PEX6: variants seen among roughly 807,000 people sequenced by gnomAD.
PEX6 encodes the protein peroxisomal biogenesis factor 6.
A neutral mutation model predicts 85.6 loss-of-function variants in PEX6; 55 were observed. The observed-to-expected ratio is 0.64, with a 90% CI of 0.52 to 0.80. PEX6 has a LOEUF of 0.80. PEX6 is among the 30% of genes least tolerant of loss of function. The pLI is 0.00. For synonymous variants in PEX6, 519 were observed against 549.1 expected (o/e 0.95, Z 0.77); for missense variants, 1,099 against 1,260.3 (o/e 0.87, Z 1.94).
At chr6:42,969,447 G>A (rs971467441) in intron 5 of PEX6, among the ~76,000 whole-genome samples, 2 of 152,182 alleles carry the variant, frequency 1.3e-5, no homozygotes, top group Non-Finnish European at 2.9e-5. Flanking sequence ...TCTTCCTCCA[G>A]AGCCAGCCCT....
chr6:42,976,752 G>T (rs773341296), intron 1 of PEX6, among the ~76,000 whole-genome samples: 1 of 151,966 alleles, frequency 6.6e-6, no homozygotes, highest in Admixed American at 6.6e-5. Flanking sequence ...GTAACCCATG[G>T]AAATGGAACA....
rs1359944551 is a variant in PEX6 at position 42,964,182 on chromosome 6, A to G, written c.*153T>C. ...CTCTTGAGCTGTTGCTGCTGTCTCAATGCCACTTTGCACCCTGGGATCTCC... is the reference window on the plus strand; with the variant it reads ...CTCTTGAGCTGTTGCTGCTGTCTCAGTGCCACTTTGCACCCTGGGATCTCC... On this transcript the variant is annotated 3_prime_UTR_variant, in exon 17 of 17. Transcript: ENST00000304611. The surrounding 1 kb of genome is among the most constrained non-coding windows in gnomAD (Gnocchi z 4.6). 4 of 786,924 alleles carry G rather than the reference A, an allele frequency of 5.1e-6. No homozygotes were observed. The highest frequency in any genetic ancestry group is 2.6e-5 in the East Asian group (1 of 38,030). 48.7% of individuals were successfully genotyped at this position (786,924 alleles called of 1,614,324 possible).
In PEX6 at chr6:42,969,965, C is replaced by A; in HGVS notation, c.1153G>T (p.Val385Leu). Residue 385 changes from valine to leucine, a missense_variant, in exon 4 of 17, where the codon GTG (valine) becomes TTG (leucine). By Grantham distance (32) the Val-to-Leu change is conservative (BLOSUM62 1). Transcript: ENST00000304611. ...LPRWREMFFKVKKTVGEAPDG... is the reference protein window; with the variant it reads ...LPRWREMFFKLKKTVGEAPDG... ...GGAGCTTCCCCAACTGTTTTCTTCA[C>A]TTTAAAAAACATTTCCCGCCACCTG... The A allele has an allele frequency of 6.2e-7, 1 of 1,614,224 alleles. No individual in the cohort carries two copies. The highest frequency in any genetic ancestry group is 8.5e-7 in the Non-Finnish European group (1 of 1,180,038).
chr6:42,967,288 C>T (rs1327654880), intron 8 of PEX6, 80 bp downstream of exon 8: 5 of 1,407,798 alleles, frequency 3.6e-6, no homozygotes, highest in Non-Finnish European at 4.9e-6. Context: ...TACTCTCACT[C>T]ACAAGGCAAC....
rs575161366 is a variant in PEX6 at position 42,969,587 on chromosome 6, G to C, written c.1367+81C>G. 290 of 1,563,742 alleles carry C rather than the reference G, an allele frequency of 1.9e-4. 3 individuals are homozygous for C. In the South Asian group the frequency reaches 2.9e-3, roughly 16 times the overall value. ...AATCCCACTCTGGCCAGTTCATTAG[G>C]AACTACCCATCTGGCTGCTGCTCCT... On this transcript the variant is annotated intron_variant, in intron 5 of 16. Coordinates refer to ENST00000304611, the MANE Select transcript of PEX6 (RefSeq NM_000287.4).
In PEX6 at chr6:42,979,109, G is replaced by C; in HGVS notation, c.42C>G (p.Thr14=). Residue 14 remains threonine, a synonymous_variant, in exon 1 of 17, where the codon ACC becomes ACG. Coordinates refer to ENST00000304611, the MANE Select transcript of PEX6 (RefSeq NM_000287.4). ...GCAGCACTGCCAACGGGGGTGTCTC[G>C]GTCGGAAAGGGCTCCAGGACCCGCA... The part of the protein sequence containing the change: ...AVLRVLEPFP[T]ETPPLAVLLP... 1 of 1,566,390 alleles carries C rather than the reference G, an allele frequency of 6.4e-7. No individual in the cohort carries two copies. The highest frequency in any genetic ancestry group is 8.6e-7 in the Non-Finnish European group (1 of 1,164,816).
intron 3 of PEX6, among the ~76,000 whole-genome samples, chr6:42,972,132 G>A (rs906871852): frequency 6.6e-6 from 1 of 152,170 alleles, no homozygotes; most frequent in African/African-American, 2.4e-5. Context: ...AACAAGGACT[G>A]TCTCTCCTGG....
chr6:42,967,619 A>T, intron 7 of PEX6, 56 bp from the exon 8 acceptor site: 1 of 1,516,094 alleles, frequency 6.6e-7, no homozygotes, highest in Non-Finnish European at 8.9e-7. Flanking sequence ...GCTCCTGTGG[A>T]CTGCCTTGTC....
Position 42,964,566 on chromosome 6 carries a change from T to C in PEX6, c.2807-95A>G, listed in dbSNP as rs1769659547. 6.8e-7 allele frequency: 1 copy of C among 1,470,146 alleles called. No individual in the cohort carries two copies. Among genetic ancestry groups the C allele is most frequent in the Admixed American group, 1.7e-5 (1 of 58,608 alleles). 91.1% of individuals were successfully genotyped at this position (1,470,146 alleles called of 1,614,324 possible). On this transcript the variant is annotated intron_variant, in intron 16 of 16. Coordinates refer to ENST00000304611, the MANE Select transcript of PEX6 (RefSeq NM_000287.4). This position sits in a 1 kb window ranked among gnomAD's most constrained non-coding sequence, Gnocchi z 4.6. ...CTGCTCAGGGTCTCCTAGATGTCAA[T>C]GATCTTCCCTCTGGAATCCAGGACT...
In PEX6 at chr6:42,965,684, T is replaced by C. The variant is rs1211457366; in HGVS notation, c.2468A>G (p.Asp823Gly). The change falls in exon 13 of 17, where the codon GAC becomes GGC. Residue 823 changes from aspartate (D) to glycine (G), a missense_variant. Asp to Gly is a moderately conservative substitution (Grantham distance 94). Transcript: ENST00000304611. This position sits in a 1 kb window ranked among gnomAD's most constrained non-coding sequence, Gnocchi z 5.0. ...GRSGDSGGVM[D>G]RVVSQLLAEL... is the part of the protein sequence containing the mutation. The stretch of plus-strand genomic sequence containing the variant: ...TCATTCCCACTCAGACCCCTACCTG[T>C]CCATCACTCCTCCAGAATCTCCACT... The C allele has an allele frequency of 6.2e-7, 1 of 1,610,306 alleles. No homozygotes were observed. The highest frequency in any genetic ancestry group is 8.5e-7 in the Non-Finnish European group (1 of 1,176,498).
rs774086639 is a variant in PEX6, at chr6:42,969,982, C to A, written c.1136G>T (p.Arg379Leu). The change falls in exon 4 of 17, where the codon CGG becomes CTG. Residue 379 changes from arginine (R) to leucine (L), a missense_variant. By Grantham distance (102) the Arg-to-Leu change is moderately radical (BLOSUM62 -2). Coordinates refer to ENST00000304611, the MANE Select transcript of PEX6 (RefSeq NM_000287.4). Reference protein sequence around the residue: ...EGSPEKLPRWREMFFKVKKTV... With the variant: ...EGSPEKLPRWLEMFFKVKKTV... Reference sequence around the variant, plus strand: ...TTTCTTCACTTTAAAAAACATTTCCCGCCACCTGCAGGAAAAAGGCCCAAT... The same window carrying A: ...TTTCTTCACTTTAAAAAACATTTCCAGCCACCTGCAGGAAAAAGGCCCAAT... The A allele has an allele frequency of 3.1e-6, 5 of 1,613,836 alleles. No homozygotes were observed. Among genetic ancestry groups the A allele is most frequent in the South Asian group, 1.1e-5 (1 of 91,084 alleles).
chr6:42,965,799 G>C lies in PEX6; in HGVS notation c.2363-10C>G, dbSNP rs370221316. ...CTGGCCCTGGCAAACACTGAAGAGAGAGAGGGGCCCACAGGAGGGCAAAGC... is the reference window on the plus strand; with the variant it reads ...CTGGCCCTGGCAAACACTGAAGAGACAGAGGGGCCCACAGGAGGGCAAAGC... On this transcript the variant is annotated splice_polypyrimidine_tract_variant and intron_variant, in intron 12 of 16. Coordinates refer to ENST00000304611, the MANE Select transcript of PEX6 (RefSeq NM_000287.4). This position sits in a 1 kb window ranked among gnomAD's most constrained non-coding sequence, Gnocchi z 5.0. 8 of 1,609,340 alleles carry C rather than the reference G, an allele frequency of 5.0e-6. No individual in the cohort carries two copies. The highest frequency in any genetic ancestry group is 4.5e-5 in the East Asian group (2 of 44,834).
Position 42,968,388 on chromosome 6 carries a change from A to T in PEX6, c.1590T>A (p.Ala530=). ...CACGGTCCCGGCCCAGAAGGTCCAC[A>T]GCTGTGAGCAACAGGACTGCAGGCC... ...RCRPAVLLLT[A]VDLLGRDRDG... The change falls in exon 7 of 17, where the codon GCT becomes GCA. Residue 530 remains alanine, a synonymous_variant. Coordinates refer to ENST00000304611, the MANE Select transcript of PEX6 (RefSeq NM_000287.4). 6.2e-7 allele frequency: 1 copy of T among 1,614,148 alleles called. No homozygotes were observed. Among genetic ancestry groups the T allele is most frequent in the Non-Finnish European group, 8.5e-7 (1 of 1,180,036 alleles).
At position 42,965,784 on chromosome 6, in the gene PEX6, C is replaced by A; in HGVS notation, c.2368G>T (p.Ala790Ser). The A allele has an allele frequency of 6.2e-7, 1 of 1,613,604 alleles. No individual in the cohort carries two copies. The highest frequency in any genetic ancestry group is 8.5e-7 in the Non-Finnish European group (1 of 1,179,608). The change falls in exon 13 of 17, where the codon GCC becomes TCC. Residue 790 changes from alanine to serine, a missense_variant. Around this residue, in one of 3 missense-constraint regions of PEX6, gnomAD observed 514 missense variants for 627.0 expected, o/e 0.82. Coordinates refer to ENST00000304611, the MANE Select transcript of PEX6 (RefSeq NM_000287.4). This position sits in a 1 kb window ranked among gnomAD's most constrained non-coding sequence, Gnocchi z 5.0. ...QSEENVREVF[A>S]RARAAAPCII... ...CATGGAGCTGCAGCCCTGGCCCTGG[C>A]AAACACTGAAGAGAGAGAGGGGCCC...
chr6:42,966,030 C>A lies in PEX6; in HGVS notation c.2362+14G>T, dbSNP rs766797730. 1 of 1,613,342 alleles carries A rather than the reference C, an allele frequency of 6.2e-7. No homozygotes were observed. The highest frequency in any genetic ancestry group is 8.5e-7 in the Non-Finnish European group (1 of 1,179,922). ...GGGAAGCATGGGACGCCCTGCCCCT[C>A]CCTGCTCACTCACCTTCCCGCACAT... On this transcript the variant is annotated intron_variant, in intron 12 of 16. Coordinates refer to ENST00000304611, the MANE Select transcript of PEX6 (RefSeq NM_000287.4).
intron 3 of PEX6, among the ~76,000 whole-genome samples, chr6:42,970,279 T>G (rs1402318844): frequency 6.6e-6 from 1 of 152,218 alleles, no homozygotes; most frequent in Non-Finnish European, 1.5e-5. Flanking sequence ...TGGGAGAAGC[T>G]GCTGCTGCAC....
chr6:42,978,168 G>C (rs1488303577), intron 1 of PEX6, 101 bp downstream of exon 1: 1 of 1,387,128 alleles, frequency 7.2e-7, no homozygotes, highest in East Asian at 2.3e-5. Context: ...TCAAAGTCCG[G>C]GATGATATGG....
chr6:42,978,034 G>A (rs912618144), intron 1 of PEX6, among the ~76,000 whole-genome samples: 21 of 151,594 alleles, frequency 1.4e-4, no homozygotes, highest in African/African-American at 4.6e-4. Flanking sequence ...TAGTAGAGAC[G>A]GGGTTTCTCC....
rs768222009 is a variant in PEX6 at position 42,966,108 on chromosome 6, G to A, written c.2301-3C>T. 4 of 1,613,602 alleles carry A rather than the reference G, an allele frequency of 2.5e-6. No homozygotes were observed. The African/African-American group carries it at 5.3e-5, about 22-fold the overall frequency. On this transcript the variant is annotated splice_region_variant and splice_polypyrimidine_tract_variant and intron_variant, in intron 11 of 16. Transcript: ENST00000304611. ...TAATGAGCTCTGGCCCCTTCACGCT[G>A]AGTGAGAGGATGTGAGAAGGTGAGA...
Sources: allele counts gnomAD v4.1 joint callset (sites outside exome capture counted in the v4.1 genomes callset), GRCh38; gene constraint gnomAD v4.1.1; regional missense constraint gnomAD v4.1.1; non-coding constraint Gnocchi (gnomAD v3.1); transcripts MANE v1.5; gene names NCBI Gene and HGNC (gene_info 2026-07-23, HGNC 2026-07-21).